GNAL: variants seen among roughly 807,000 people sequenced by gnomAD.
GNAL encodes the protein G protein subunit alpha L.
Under a neutral mutation model 55.1 loss-of-function variants are expected in GNAL, and 18 were observed. The observed-to-expected ratio is 0.33, with a 90% CI of 0.23 to 0.48. The LOEUF is 0.48. Among genes scored for constraint, GNAL ranks in the 20% least tolerant of loss-of-function variants. The probability of loss-of-function intolerance (pLI) is 0.99; values close to 1 mark genes in which losing one functional copy is unlikely to be tolerated. For synonymous variants in GNAL, 253 were observed against 237.0 expected (o/e 1.07, Z -0.62); for missense variants, 412 against 614.1 (o/e 0.67, Z 3.48).
chr18:11,850,441 T>G (rs1411556722), intron 5 of GNAL, among the ~76,000 whole-genome samples: 2 of 152,186 alleles, frequency 1.3e-5, no homozygotes, highest in Non-Finnish European at 2.9e-5. Context: ...TAGGGCAGAT[T>G]TGGTCTTCTC....
At position 11,698,428 on chromosome 18, in the gene GNAL, T is replaced by C. The variant is rs760751254; in HGVS notation, c.376+8489T>C. On this transcript the variant is annotated intron_variant, in intron 1 of 11. Transcript: ENST00000334049. The stretch of plus-strand genomic sequence containing the variant: ...ATCGCTTGAACCCAGGAGGCAGAGG[T>C]TGCAGTGAGCCAAGATTGCACCACT... Among the ~76,000 whole-genome samples, 71 of 148,230 alleles carry C rather than the reference T, an allele frequency of 4.8e-4. 1 individual carries two copies. The highest frequency in any genetic ancestry group is 1.2e-4 in the Non-Finnish European group (8 of 67,488).
intron 1 of GNAL, chr18:11,747,163 T>C: frequency 5.1e-6 from 2 of 393,000 alleles, no homozygotes; most frequent in Non-Finnish European, 1.0e-5. Context: ...GTCTGGTTTC[T>C]GCATCATCGA....
intron 1 of GNAL, among the ~76,000 whole-genome samples, chr18:11,695,277 AC>A (rs1258532134): frequency 1.3e-5 from 2 of 152,206 alleles, no homozygotes; most frequent in Non-Finnish European, 2.9e-5. Flanking sequence ...AATGTAATCT[AC>A]ATGGCTAATA....
intron 10 of GNAL, 59 bp from the exon 11 acceptor site, chr18:11,876,562 G>T: frequency 2.0e-6 from 2 of 1,011,576 alleles, no homozygotes; most frequent in South Asian, 2.6e-5. Flanking sequence ...CTGTGTTTTC[G>T]TAGAGTTGTA....
At chr18:11,773,653 G>A (rs1322871941) in intron 4 of GNAL, among the ~76,000 whole-genome samples, 1 of 152,120 alleles carries the variant, frequency 6.6e-6, no homozygotes, top group African/African-American at 2.4e-5. Context: ...GCATGGTGTT[G>A]TATGCCTGTG....
intron 5 of GNAL, among the ~76,000 whole-genome samples, chr18:11,825,369 A>T (rs1371232124): frequency 1.3e-5 from 2 of 152,212 alleles, no homozygotes; most frequent in Non-Finnish European, 2.9e-5. Flanking sequence ...ATTATATTTT[A>T]AAATAATACG....
At chr18:11,844,643 C>A (rs986900368) in intron 5 of GNAL, among the ~76,000 whole-genome samples, 1 of 152,082 alleles carries the variant, frequency 6.6e-6, no homozygotes, top group South Asian at 2.1e-4. Flanking sequence ...TCCCCGGGAA[C>A]AGCAGTGAAG....
intron 1 of GNAL, among the ~76,000 whole-genome samples, chr18:11,705,945 G>C (rs551176400): frequency 1.3e-5 from 2 of 151,994 alleles, no homozygotes; most frequent in Non-Finnish European, 2.9e-5. Flanking sequence ...AGTAGAAGCA[G>C]GGTTTCACTA....
At chr18:11,730,340 G>T (rs1219967653) in intron 1 of GNAL, among the ~76,000 whole-genome samples, 2 of 151,802 alleles carry the variant, frequency 1.3e-5, no homozygotes, top group African/African-American at 4.8e-5. Context: ...TGTAGTTTTA[G>T]TAGAGATGGG....
At chr18:11,852,417 T>A (rs1458478690) in intron 5 of GNAL, 1 of 336,214 alleles carries the variant, frequency 3.0e-6, no homozygotes, top group Non-Finnish European at 5.8e-6. Context: ...TTCAGTTTCC[T>A]GCCCAGAATG....
chr18:11,723,352 C>T (rs2032141890), intron 1 of GNAL, among the ~76,000 whole-genome samples: 1 of 152,150 alleles, frequency 6.6e-6, no homozygotes, highest in Admixed American at 6.5e-5. Context: ...TGTTATTTTG[C>T]AACCATTTAA....
At chr18:11,786,436 CTTTTTTTTTTTTTTTTTTTT>C (rs66803403) in intron 4 of GNAL, among the ~76,000 whole-genome samples, 2 of 60,682 alleles carry the variant, frequency 3.3e-5, no homozygotes, top group South Asian at 7.6e-4. Context: ...CATACGTTTT[CTTTTTTTTTTTTTTTTTTTT>C]TTTTTTTTTT....
rs140406199 is a variant in GNAL, at chr18:11,805,670, T to C, written c.625-19248T>C. ...AGTGACCTCCAGTTCCCTCCATGTA[T>C]CTGCAAAAGACATGATTTCACTTTT... is the stretch of plus-strand genomic sequence containing the variant. On this transcript the variant is annotated intron_variant, in intron 4 of 11. Coordinates refer to ENST00000334049, the MANE Select transcript of GNAL (RefSeq NM_182978.4). Among the ~76,000 whole-genome samples the C allele has an allele frequency of 2.3e-4, 35 of 152,292 alleles. No homozygotes were observed. In the East Asian group the frequency reaches 5.8e-3, roughly 25 times the overall value.
intron 1 of GNAL, among the ~76,000 whole-genome samples, chr18:11,728,672 C>G (rs1185195152): frequency 6.6e-6 from 1 of 152,036 alleles, no homozygotes; most frequent in African/African-American, 2.4e-5. Context: ...TTCATTTCAC[C>G]CTCAGTCTTT....
At chr18:11,706,790 T>TA (rs1365401852) in intron 1 of GNAL, among the ~76,000 whole-genome samples, 1 of 152,214 alleles carries the variant, frequency 6.6e-6, no homozygotes, top group African/African-American at 2.4e-5. Flanking sequence ...TGCAGCCATT[T>TA]AGTCACATCT....
intron 1 of GNAL, among the ~76,000 whole-genome samples, chr18:11,750,811 A>T (rs773558548): frequency 1.3e-5 from 2 of 152,036 alleles, no homozygotes; most frequent in Non-Finnish European, 2.9e-5. Context: ...AAGGGGCGTG[A>T]GATGAAAGGT....
Position 11,715,032 on chromosome 18 carries a change from C to G in GNAL, c.376+25093C>G, listed in dbSNP as rs576163576. Among the ~76,000 whole-genome samples the G allele has an allele frequency of 2.6e-4, 40 of 152,092 alleles. No homozygotes were observed. The East Asian group carries it at 7.0e-3, about 27-fold the overall frequency. ...TGGTGGTGCACACCTGTAGTCCCAACTACTCAGGAGGCTGAGGTGGGAGGA... is the reference window on the plus strand; with the variant it reads ...TGGTGGTGCACACCTGTAGTCCCAAGTACTCAGGAGGCTGAGGTGGGAGGA... On this transcript the variant is annotated intron_variant, in intron 1 of 11. Coordinates refer to ENST00000334049, the MANE Select transcript of GNAL (RefSeq NM_182978.4).
intron 4 of GNAL, among the ~76,000 whole-genome samples, chr18:11,780,647 G>A (rs368277052): frequency 1.3e-5 from 2 of 152,160 alleles, no homozygotes; most frequent in East Asian, 3.8e-4. Flanking sequence ...ACCAGACACA[G>A]TCTTAGCCAA....
intron 5 of GNAL, chr18:11,853,452 C>G (rs1341721926): frequency 1.2e-5 from 2 of 167,068 alleles, no homozygotes; most frequent in African/African-American, 4.8e-5. Context: ...AGCATGCTAA[C>G]CTAAGTTAAT....
Sources: allele counts gnomAD v4.1 joint callset (sites outside exome capture counted in the v4.1 genomes callset), GRCh38; gene constraint gnomAD v4.1.1; transcripts MANE v1.5; gene names NCBI Gene and HGNC (gene_info 2026-07-23, HGNC 2026-07-21).